ASXL2: variants seen among roughly 807,000 people sequenced by gnomAD.
The protein encoded by ASXL2 is putative Polycomb group protein ASXL2.
ASXL2 carries 23 observed loss-of-function variants against 122.0 expected under a neutral mutation model. The ratio of observed to expected loss-of-function variants is 0.19; its 90% CI spans 0.14 to 0.27. ASXL2 has a LOEUF of 0.27. Among genes scored for constraint, ASXL2 ranks in the 10% least tolerant of loss-of-function variants. ASXL2 has a pLI of 1.00. For synonymous variants in ASXL2, 650 were observed against 637.0 expected, an observed-to-expected ratio of 1.02 and a Z score of -0.31; for missense variants, 1,518 against 1,713.8, an observed-to-expected ratio of 0.89 and a Z score of 2.02.
At chr2:25,870,701 G>A (rs893348500) in intron 1 of ASXL2, among the ~76,000 whole-genome samples, 2 of 151,902 alleles carry the variant, frequency 1.3e-5, no homozygotes, top group African/African-American at 2.4e-5. Flanking sequence ...AAAGAATAAG[G>A]CAGATATTAA....
chr2:25,861,791 A>C (rs1024389071), intron 1 of ASXL2, among the ~76,000 whole-genome samples: 7 of 152,250 alleles, frequency 4.6e-5, no homozygotes, highest in Admixed American at 4.6e-4. Flanking sequence ...TAAATCAAGA[A>C]GCATCTGTAC....
At chr2:25,859,957 G>A (rs968102942) in intron 1 of ASXL2, among the ~76,000 whole-genome samples, 6 of 152,178 alleles carry the variant, frequency 3.9e-5, no homozygotes, top group Non-Finnish European at 8.8e-5. Context: ...GCCAAGGTGT[G>A]CAGATTGCTT....
At chr2:25,810,174 T>TC in intron 3 of ASXL2, 1 of 573,370 alleles carries the variant, frequency 1.7e-6, no homozygotes, top group South Asian at 1.4e-5. Flanking sequence ...CAGGTTATGG[T>TC]CCATCAGTCT....
chr2:25,760,158 A>C (rs923696273), intron 8 of ASXL2, among the ~76,000 whole-genome samples: 1 of 152,022 alleles, frequency 6.6e-6, no homozygotes, highest in African/African-American at 2.4e-5. Flanking sequence ...TCTTTCAAAA[A>C]ACTGAGTACA....
At chr2:25,762,664 C>T (rs1247877732) in intron 8 of ASXL2, among the ~76,000 whole-genome samples, 4 of 41,212 alleles carry the variant, frequency 9.7e-5, no homozygotes, top group African/African-American at 4.0e-4. Flanking sequence ...GACTCTTTCT[C>T]GAAAAAAAAA....
At chr2:25,820,996 A>T (rs2089301150) in intron 3 of ASXL2, among the ~76,000 whole-genome samples, 1 of 151,776 alleles carries the variant, frequency 6.6e-6, no homozygotes, top group African/African-American at 2.4e-5. Flanking sequence ...GAGAAATCCC[A>T]TGGAGAAACC....
At chr2:25,839,263 G>A (rs1254499545) in intron 2 of ASXL2, among the ~76,000 whole-genome samples, 1 of 152,150 alleles carries the variant, frequency 6.6e-6, no homozygotes, top group African/African-American at 2.4e-5. Flanking sequence ...ATTGAACAAG[G>A]AGGTGAGACA....
chr2:25,829,797 C>G (rs2089429368), intron 3 of ASXL2, among the ~76,000 whole-genome samples: 1 of 152,162 alleles, frequency 6.6e-6, no homozygotes, highest in African/African-American at 2.4e-5. Flanking sequence ...ATGGCACAAG[C>G]AAGTGGGAGA....
At chr2:25,785,928 C>T (rs372263888) in intron 5 of ASXL2, among the ~76,000 whole-genome samples, 309 of 152,300 alleles carry the variant, frequency 2.0e-3, no homozygotes, top group African/African-American at 7.0e-3. Flanking sequence ...CAAATTTTAA[C>T]AGGGACATTA....
chr2:25,740,260 G>A lies in ASXL2; in HGVS notation c.*1769C>T, dbSNP rs755912422. The A allele has an allele frequency of 3.2e-5, 7 of 216,158 alleles. No individual in the cohort carries two copies. The highest frequency in any genetic ancestry group is 4.7e-5 in the Non-Finnish European group (5 of 107,414). The allele number at this position is 216,158 out of a possible 1,614,324, so 13.4% of individuals were successfully genotyped here. ...GGAGCAGGGGCTGTGGGAAAGCATCGAAGAGTGTGTGATGTGGGGGTGGGG... is the reference window on the plus strand; with the variant it reads ...GGAGCAGGGGCTGTGGGAAAGCATCAAAGAGTGTGTGATGTGGGGGTGGGG... On this transcript the variant is annotated 3_prime_UTR_variant, in exon 13 of 13. Coordinates refer to ENST00000435504, the MANE Select transcript of ASXL2 (RefSeq NM_018263.6).
At chr2:25,844,625 CATTGACT>C (rs1304168665) in intron 2 of ASXL2, among the ~76,000 whole-genome samples, 1 of 150,870 alleles carries the variant, frequency 6.6e-6, no homozygotes, top group Non-Finnish European at 1.5e-5. Flanking sequence ...CACACACACA[CATTGACT>C]ATTAAGTATT....
At chr2:25,859,292 T>C (rs2089818515) in intron 1 of ASXL2, among the ~76,000 whole-genome samples, 1 of 152,130 alleles carries the variant, frequency 6.6e-6, no homozygotes, top group Non-Finnish European at 1.5e-5. Flanking sequence ...ATATATTTAA[T>C]TACTTATATT....
At position 25,742,499 on chromosome 2, in the gene ASXL2, T is replaced by C. The variant is rs1251237750; in HGVS notation, c.3838A>G (p.Lys1280Glu). The change falls in exon 13 of 13, where the codon AAG becomes GAG. Residue 1280 changes from lysine to glutamate, a missense_variant. By Grantham distance (56) the Lys-to-Glu change is moderately conservative. Around this residue, in one of 8 missense-constraint regions of ASXL2, gnomAD observed 831 missense variants for 833.1 expected, o/e 1.00. Transcript: ENST00000435504. ...AGCTCGGGGCTGCTACGGATTGCCT[T>C]ACCTCTCACTGCATGAGCCATCTGC... is the stretch of plus-strand genomic sequence containing the variant. ...QKQMAHAVRGKAIRSSPELFS... is the reference protein window; with the variant it reads ...QKQMAHAVRGEAIRSSPELFS... 2 of 1,613,942 alleles carry C rather than the reference T, an allele frequency of 1.2e-6. No homozygotes were observed. The highest frequency in any genetic ancestry group is 1.7e-6 in the Non-Finnish European group (2 of 1,179,864).
At chr2:25,776,895 T>C (rs1278853517) in intron 5 of ASXL2, among the ~76,000 whole-genome samples, 1 of 152,176 alleles carries the variant, frequency 6.6e-6, no homozygotes, top group Non-Finnish European at 1.5e-5. Context: ...TATCTGCAAT[T>C]ACCAGGACAA....
At chr2:25,762,038 CA>C (rs914554668) in intron 8 of ASXL2, among the ~76,000 whole-genome samples, 12 of 150,522 alleles carry the variant, frequency 8.0e-5, no homozygotes, top group African/African-American at 1.5e-4. Flanking sequence ...AAACAAAATA[CA>C]AAAAAAAGAC....
At chr2:25,761,368 C>T (rs1309179481) in intron 8 of ASXL2, among the ~76,000 whole-genome samples, 3 of 152,054 alleles carry the variant, frequency 2.0e-5, no homozygotes, top group South Asian at 4.2e-4. Context: ...AGGAAGGGAA[C>T]GATCACATAA....
intron 1 of ASXL2, among the ~76,000 whole-genome samples, chr2:25,862,055 T>C (rs1574453436): frequency 6.6e-6 from 1 of 152,352 alleles, no homozygotes; most frequent in East Asian, 1.9e-4. Context: ...AAAAAATTCA[T>C]TTAACTTTTG....
At chr2:25,813,264 A>G (rs2089194018) in intron 3 of ASXL2, among the ~76,000 whole-genome samples, 1 of 152,218 alleles carries the variant, frequency 6.6e-6, no homozygotes. Context: ...GACCAGTGCT[A>G]TTAATATAAA....
Position 25,735,585 on chromosome 2 carries a change from GCTT to G in ASXL2, c.*6441_*6443del, listed in dbSNP as rs1381494614. On this transcript the variant is annotated 3_prime_UTR_variant, in exon 13 of 13. Transcript: ENST00000435504. Reference sequence around the variant, plus strand: ...CATGTTTTAAGAAAAATTCCCTTTAGCTTCTTTTAGGTTTGAACAGTGACAGGA... The same window carrying G: ...CATGTTTTAAGAAAAATTCCCTTTAGCTTTTAGGTTTGAACAGTGACAGGA... The G allele has an allele frequency of 1.3e-5, 2 of 152,226 alleles. No individual in the cohort carries two copies. Among genetic ancestry groups the G allele is most frequent in the African/African-American group, 4.8e-5 (2 of 41,524 alleles). The allele number at this position is 152,226 out of a possible 1,614,324, so 9.4% of individuals were successfully genotyped here.
Sources: gnomAD v4.1 joint callset for allele counts (sites outside exome capture counted in the v4.1 genomes callset) on GRCh38, gnomAD v4.1.1 for gene constraint, gnomAD v4.1.1 regional missense constraint, MANE v1.5 for transcripts, NCBI Gene and HGNC (gene_info 2026-07-23, HGNC 2026-07-21) for gene names.